The following CDH13 variants were observed in gnomAD, a reference collection of about 807,000 sequenced individuals.
CDH13 encodes the protein cadherin 13.
A neutral mutation model predicts 63.8 loss-of-function variants in CDH13; 24 were observed. That is an observed-to-expected ratio of 0.38 (90% CI 0.27 to 0.53). The LOEUF (loss-of-function observed/expected upper bound fraction) is 0.53, where lower values mean the gene tolerates loss of function less well. Among genes scored for constraint, CDH13 ranks in the 20% least tolerant of loss-of-function variants. The pLI, the probability that CDH13 is intolerant of heterozygous loss-of-function variation, is 0.85. For synonymous variants in CDH13, 503 were observed against 355.3 expected (o/e 1.42, Z -4.67); for missense variants, 1,049 against 903.1 (o/e 1.16, Z -2.07).
intron 6 of CDH13, among the ~76,000 whole-genome samples, chr16:83,386,843 G>A (rs1336210799): frequency 6.6e-6 from 1 of 152,198 alleles, no homozygotes; most frequent in Non-Finnish European, 1.5e-5. Context: ...CTGCAAGACA[G>A]CTGCCTCTGC....
intron 2 of CDH13, among the ~76,000 whole-genome samples, chr16:83,019,989 C>A (rs1011343439): frequency 3.3e-5 from 5 of 151,986 alleles, no homozygotes; most frequent in African/African-American, 4.8e-5. Flanking sequence ...TTGTTTACAC[C>A]AGCATCACCA....
chr16:83,344,131 A>G (rs1182866654), intron 5 of CDH13, among the ~76,000 whole-genome samples: 1 of 152,252 alleles, frequency 6.6e-6, no homozygotes, highest in Non-Finnish European at 1.5e-5. Context: ...CGCTGAGTTA[A>G]ATCAAGGTTG....
chr16:83,317,810 A>G (rs1263394521), intron 5 of CDH13, among the ~76,000 whole-genome samples: 1 of 151,908 alleles, frequency 6.6e-6, no homozygotes, highest in East Asian at 1.9e-4. Context: ...AAGAAAAAAA[A>G]AAAAAGGAAT....
intron 7 of CDH13, among the ~76,000 whole-genome samples, chr16:83,507,214 A>G (rs2074420235): frequency 6.6e-6 from 1 of 152,168 alleles, no homozygotes; most frequent in Non-Finnish European, 1.5e-5. Context: ...CATTCTATTA[A>G]TGCCACTGTC....
At chr16:83,234,575 C>T (rs2040092083) in intron 5 of CDH13, among the ~76,000 whole-genome samples, 1 of 152,148 alleles carries the variant, frequency 6.6e-6, no homozygotes, top group Admixed American at 6.5e-5. Flanking sequence ...TGACTGAGCA[C>T]CGCTGGGGTT....
intron 1 of CDH13, among the ~76,000 whole-genome samples, chr16:82,854,977 G>GGAGT (rs149945147): frequency 0.26 from 39,520 of 151,954 alleles, 5,893 homozygotes; most frequent in Non-Finnish European, 0.35. Flanking sequence ...TTGTGAATGA[G>GGAGT]GAGTGAGTGA....
chr16:82,704,612 G>A (rs550868427), intron 1 of CDH13, among the ~76,000 whole-genome samples: 16 of 152,198 alleles, frequency 1.1e-4, no homozygotes, highest in African/African-American at 3.6e-4. Flanking sequence ...AAGTGCTGCA[G>A]AGGCAGGCAC....
chr16:83,051,380 C>T (rs777450615), intron 3 of CDH13, among the ~76,000 whole-genome samples: 2 of 152,176 alleles, frequency 1.3e-5, no homozygotes, highest in African/African-American at 2.4e-5. Context: ...AGATTAAGAG[C>T]TGTGGCATCA....
At chr16:83,018,356 T>G (rs951686198) in intron 2 of CDH13, among the ~76,000 whole-genome samples, 1 of 152,230 alleles carries the variant, frequency 6.6e-6, no homozygotes, top group Non-Finnish European at 1.5e-5. Flanking sequence ...TATCCCTTAC[T>G]GCCTACTGTC....
intron 10 of CDH13, among the ~76,000 whole-genome samples, chr16:83,695,507 C>A (rs992389481): frequency 3.9e-5 from 6 of 152,178 alleles, no homozygotes; most frequent in Non-Finnish European, 8.8e-5. Flanking sequence ...AAAGCAGGTG[C>A]CCTTTCTGCA....
At chr16:83,238,338 G>A (rs958495965) in intron 5 of CDH13, among the ~76,000 whole-genome samples, 12 of 152,324 alleles carry the variant, frequency 7.9e-5, no homozygotes, top group Middle Eastern at 3.4e-3. Flanking sequence ...GCAAGAGAGC[G>A]TGTGCAGGGG....
chr16:83,726,730 C>G (rs957243332), intron 10 of CDH13, among the ~76,000 whole-genome samples: 1 of 151,936 alleles, frequency 6.6e-6, no homozygotes, highest in Non-Finnish European at 1.5e-5. Flanking sequence ...CCCAGCTACT[C>G]GCGAGGCTGA....
At chr16:83,755,750 CAA>C (rs11440971) in intron 11 of CDH13, among the ~76,000 whole-genome samples, 7,523 of 128,232 alleles carry the variant, frequency 0.059, 235 homozygotes, top group East Asian at 0.12. Flanking sequence ...ACTTTTGGGG[CAA>C]AAAAAAAAAA....
intron 6 of CDH13, among the ~76,000 whole-genome samples, chr16:83,357,831 C>G (rs2091085710): frequency 6.6e-6 from 1 of 152,084 alleles, no homozygotes; most frequent in Non-Finnish European, 1.5e-5. Context: ...TGGTTGGTAC[C>G]TTTTTATAGT....
intron 1 of CDH13, among the ~76,000 whole-genome samples, chr16:82,633,443 G>C (rs575114311): frequency 7.2e-5 from 11 of 152,174 alleles, no homozygotes; most frequent in African/African-American, 2.7e-4. Context: ...GCGGTGGCGC[G>C]ATGTCGGCTC....
chr16:83,440,473 C>G (rs922077160), intron 6 of CDH13, among the ~76,000 whole-genome samples: 25 of 152,046 alleles, frequency 1.6e-4, no homozygotes, highest in African/African-American at 5.6e-4. Context: ...GCAAACGTGG[C>G]AGGTCACAGA....
chr16:82,797,467 A>C (rs2036638491), intron 1 of CDH13, among the ~76,000 whole-genome samples: 1 of 152,178 alleles, frequency 6.6e-6, no homozygotes. Flanking sequence ...GCCTTCCTCA[A>C]GACCCCAGCA....
intron 3 of CDH13, among the ~76,000 whole-genome samples, chr16:83,065,140 C>T (rs1312046080): frequency 6.6e-6 from 1 of 152,182 alleles, no homozygotes; most frequent in Non-Finnish European, 1.5e-5. Flanking sequence ...GTATTATCCA[C>T]TGGCCACCTT....
chr16:83,792,632 C>A (rs535779494), intron 13 of CDH13, among the ~76,000 whole-genome samples: 2 of 152,150 alleles, frequency 1.3e-5, no homozygotes, highest in South Asian at 2.1e-4. Context: ...CAGCACCCCC[C>A]ACAAAGAATT....
Sources: allele counts gnomAD v4.1 joint callset (sites outside exome capture counted in the v4.1 genomes callset), GRCh38; gene constraint gnomAD v4.1.1; transcripts MANE v1.5; gene names NCBI Gene and HGNC (gene_info 2026-07-23, HGNC 2026-07-21).